Variants in DIPK2B observed in about 807,000 individuals in gnomAD.
DIPK2B encodes divergent protein kinase domain 2B.
Under a neutral mutation model 22.2 loss-of-function variants are expected in DIPK2B, and 15 were observed. That is an observed-to-expected ratio of 0.68 (90% CI 0.45 to 1.04). DIPK2B has a LOEUF of 1.04. Ranked by LOEUF, DIPK2B falls within the 50% of genes least tolerant of loss-of-function variation. The probability of loss-of-function intolerance (pLI) is 0.00; values close to 1 mark genes in which losing one functional copy is unlikely to be tolerated. For missense variants in DIPK2B, 345 were observed against 348.3 expected, an observed-to-expected ratio of 0.99 and a Z score of 0.08; for synonymous variants, 163 against 153.2, an observed-to-expected ratio of 1.06 and a Z score of -0.47.
At chrX:45,162,849 A>G (rs1281967232) in intron 2 of DIPK2B, 1 of 752,354 alleles carries the variant, frequency 1.3e-6, no homozygotes, top group Non-Finnish European at 1.6e-6. Context: ...TATTGACTGG[A>G]ATTTTGCTTG....
rs377522687 is a variant in DIPK2B at position 45,151,906 on chromosome X, C to T, written c.1048G>A (p.Glu350Lys). The stretch of plus-strand genomic sequence containing the variant: ...AGGCTCTGCTTCTCAGAGATGCTTT[C>T]GCAGGAGGGCAGCTGGGCCTGGCAG... ...SGCQAQLPSC[E>K]SISEKQSLVL... Residue 350 changes from glutamate to lysine, a missense_variant, in exon 5 of 5, where the codon GAA (glutamate) becomes AAA (lysine). Transcript: ENST00000398000. The T allele has an allele frequency of 3.2e-5, 39 of 1,206,519 alleles. No homozygotes were observed. The highest frequency in any genetic ancestry group is 8.9e-5 in the South Asian group (5 of 56,166).
intron 2 of DIPK2B, among the ~76,000 whole-genome samples, chrX:45,185,301 A>G (rs921688209): frequency 6.2e-5 from 7 of 112,306 alleles, no homozygotes; most frequent in Non-Finnish European, 1.1e-4. Flanking sequence ...TTCTGAGTAC[A>G]TCAGGATAGA....
intron 3 of DIPK2B, among the ~76,000 whole-genome samples, chrX:45,155,212 C>T (rs1603094416): frequency 9.1e-6 from 1 of 109,845 alleles, no homozygotes; most frequent in Middle Eastern, 4.7e-3. Flanking sequence ...CACTTGAGGA[C>T]AGCAGTTTGA....
At chrX:45,161,307 C>A (rs1204002422) in intron 2 of DIPK2B, among the ~76,000 whole-genome samples, 3 of 112,289 alleles carry the variant, frequency 2.7e-5, no homozygotes, top group African/African-American at 9.7e-5. Flanking sequence ...TTCAGGAGGT[C>A]GAGGTAGGCA....
chrX:45,155,526 C>T (rs995419562), intron 3 of DIPK2B, among the ~76,000 whole-genome samples: 3 of 109,242 alleles, frequency 2.7e-5, no homozygotes, highest in Non-Finnish European at 5.7e-5. Context: ...CTGTGGGTGA[C>T]TGAAGTTTTG....
At chrX:45,181,034 T>C (rs1456786366) in intron 2 of DIPK2B, among the ~76,000 whole-genome samples, 2 of 112,048 alleles carry the variant, frequency 1.8e-5, no homozygotes, top group African/African-American at 6.5e-5. Flanking sequence ...TATTTCTATA[T>C]GTTAGCAACA....
At chrX:45,154,623 A>G (rs1432146385) in intron 3 of DIPK2B, among the ~76,000 whole-genome samples, 1 of 111,226 alleles carries the variant, frequency 9.0e-6, no homozygotes, top group Non-Finnish European at 1.9e-5. Context: ...GAGTTCCTCC[A>G]AGCAGGGTAT....
chrX:45,171,197 G>A (rs1157313344), intron 2 of DIPK2B, among the ~76,000 whole-genome samples: 3 of 110,593 alleles, frequency 2.7e-5, no homozygotes, highest in African/African-American at 6.6e-5. Context: ...CAGGTGTAAC[G>A]AGTCTTGGAT....
intron 2 of DIPK2B, among the ~76,000 whole-genome samples, chrX:45,175,824 GA>G (rs974249130): frequency 1.9e-5 from 2 of 107,038 alleles, no homozygotes; most frequent in African/African-American, 6.8e-5. Context: ...TTTTGAACTG[GA>G]AAGGGAAACG....
At chrX:45,175,079 A>G (rs1047490714) in intron 2 of DIPK2B, among the ~76,000 whole-genome samples, 11 of 111,678 alleles carry the variant, frequency 9.8e-5, no homozygotes, top group African/African-American at 3.3e-4. Flanking sequence ...TCTAAGCCTC[A>G]GATTCCCCAT....
At chrX:45,190,933 C>A (rs2047207641) in intron 2 of DIPK2B, among the ~76,000 whole-genome samples, 2 of 112,531 alleles carry the variant, frequency 1.8e-5, no homozygotes, top group Admixed American at 1.9e-4. Context: ...AAGCCCAATG[C>A]CAATCTAGCT....
intron 2 of DIPK2B, among the ~76,000 whole-genome samples, chrX:45,167,553 C>T: frequency 9.5e-6 from 1 of 105,038 alleles, no homozygotes; most frequent in African/African-American, 3.5e-5. Context: ...TTTCCTACTA[C>T]AGTACATGAA....
At chrX:45,178,378 G>A (rs2047130141) in intron 2 of DIPK2B, among the ~76,000 whole-genome samples, 1 of 111,219 alleles carries the variant, frequency 9.0e-6, no homozygotes, top group African/African-American at 3.3e-5. Context: ...AGATAATTCT[G>A]GGATTTTTGG....
chrX:45,182,072 C>T (rs1490739433), intron 2 of DIPK2B, among the ~76,000 whole-genome samples: 1 of 55,946 alleles, frequency 1.8e-5, no homozygotes, highest in Non-Finnish European at 3.7e-5. Flanking sequence ...GACACCCTGT[C>T]TCAAAAAAAA....
intron 2 of DIPK2B, among the ~76,000 whole-genome samples, chrX:45,172,589 T>C (rs761527301): frequency 9.0e-6 from 1 of 111,397 alleles, no homozygotes. Flanking sequence ...CTTCCTCCAT[T>C]CCAGGGCCCC....
At chrX:45,158,560 T>G (rs2047007553) in intron 2 of DIPK2B, among the ~76,000 whole-genome samples, 1 of 110,846 alleles carries the variant, frequency 9.0e-6, no homozygotes, top group South Asian at 3.8e-4. Flanking sequence ...CCTAGGCTTT[T>G]TTTTTTCTCT....
At chrX:45,184,842 T>C (rs771263625) in intron 2 of DIPK2B, among the ~76,000 whole-genome samples, 2 of 112,506 alleles carry the variant, frequency 1.8e-5, no homozygotes, top group East Asian at 5.5e-4. Flanking sequence ...TATAGAGTTT[T>C]CATCATTGTT....
intron 3 of DIPK2B, among the ~76,000 whole-genome samples, chrX:45,155,961 C>CTTTTTTTTTTTTTTTTTTTTTTTT (rs757375184): frequency 3.6e-5 from 2 of 55,255 alleles, no homozygotes; most frequent in African/African-American, 1.5e-4. Context: ...AAGGGGACCT[C>CTTTTTTTTTTTTTTTTTTTTTTTT]TTTTTTTTTT....
intron 2 of DIPK2B, among the ~76,000 whole-genome samples, chrX:45,176,216 A>G (rs954034269): frequency 4.5e-5 from 5 of 110,922 alleles, no homozygotes; most frequent in Non-Finnish European, 9.4e-5. Context: ...AGGAAGCCAG[A>G]GAGATCAGAT....
Sources: allele counts gnomAD v4.1 joint callset (sites outside exome capture counted in the v4.1 genomes callset), GRCh38; gene constraint gnomAD v4.1.1; transcripts MANE v1.5; gene names NCBI Gene and HGNC (gene_info 2026-07-23, HGNC 2026-07-21).